The following BTC variants were observed in gnomAD, a reference collection of about 807,000 sequenced individuals.
BTC encodes the protein probetacellulin.
BTC carries 13 observed loss-of-function variants against 18.1 expected under a neutral mutation model. The observed-to-expected ratio is 0.72, with a 90% confidence interval of 0.47 to 1.14. The LOEUF is 1.14. Among genes scored for constraint, BTC ranks in the 50% most tolerant of loss-of-function variants. The pLI is 0.00. For synonymous variants in BTC, 83 were observed against 79.4 expected, an observed-to-expected ratio of 1.05 and a Z score of -0.24; for missense variants, 247 against 224.2, an observed-to-expected ratio of 1.10 and a Z score of -0.65.
chr4:74,781,942 A>G (rs1178385799), intron 1 of BTC, among the ~76,000 whole-genome samples: 1 of 152,096 alleles, frequency 6.6e-6, no homozygotes, highest in Non-Finnish European at 1.5e-5. Flanking sequence ...CATGACCAAA[A>G]AAGTCAGTCA....
At chr4:74,763,439 C>T (rs1324922375) in intron 2 of BTC, among the ~76,000 whole-genome samples, 1 of 151,926 alleles carries the variant, frequency 6.6e-6, no homozygotes, top group Non-Finnish European at 1.5e-5. Context: ...AGTATATGGT[C>T]TCTATTTTTA....
In BTC at chr4:74,783,587, CTTTTT is replaced by C. The variant is rs71220728; in HGVS notation, c.64+10670_64+10674del. 3.1e-3 allele frequency among the ~76,000 whole-genome samples: 262 copies of C among 83,558 alleles called. 2 individuals carry two copies. The highest frequency in any genetic ancestry group is 0.027 in the Middle Eastern group (3 of 110). The allele number at this position is 83,558 out of a possible 152,430, so 54.8% of individuals were successfully genotyped here. A position where few individuals can be genotyped will look rare whatever the true frequency, so the allele number is the denominator to read the frequency against. On this transcript the variant is annotated intron_variant, in intron 1 of 5. Coordinates refer to ENST00000395743, the MANE Select transcript of BTC (RefSeq NM_001729.4). ...GGGAATGTGCTGGGGCTATTCGGCT[CTTTTT>C]TTTTTTTTTTTTTTTTGGTACCATA...
chr4:74,767,776 T>A (rs1724939710), intron 2 of BTC, among the ~76,000 whole-genome samples: 1 of 151,978 alleles, frequency 6.6e-6, no homozygotes, highest in Non-Finnish European at 1.5e-5. Flanking sequence ...GTACTAACAA[T>A]ACGCAATGAG....
intron 2 of BTC, among the ~76,000 whole-genome samples, chr4:74,758,626 A>G (rs1452413839): frequency 6.6e-6 from 1 of 152,140 alleles, no homozygotes; most frequent in African/African-American, 2.4e-5. Flanking sequence ...CTTTAAATGC[A>G]CCCAGACTTT....
chr4:74,791,752 C>T (rs779391712), intron 1 of BTC, among the ~76,000 whole-genome samples: 17 of 152,150 alleles, frequency 1.1e-4, no homozygotes, highest in Non-Finnish European at 2.2e-4. Flanking sequence ...AGACATAAGC[C>T]ATTTCTAATT....
chr4:74,760,181 A>G (rs116259871), intron 2 of BTC, among the ~76,000 whole-genome samples: 3,184 of 152,310 alleles, frequency 0.021, 117 homozygotes, highest in African/African-American at 0.074. Context: ...CTTTTTTGTA[A>G]TACCTATTAC....
In BTC at chr4:74,794,402, C is replaced by T. The variant is rs2109928300; in HGVS notation, c.-77G>A. 11 of 1,404,858 alleles carry T rather than the reference C, an allele frequency of 7.8e-6. No homozygotes were observed. Among genetic ancestry groups the T allele is most frequent in the South Asian group, 2.9e-5 (2 of 68,864 alleles). 87.0% of individuals were successfully genotyped at this position (1,404,858 alleles called of 1,614,324 possible). Reference sequence around the variant, plus strand: ...TCGCCCCCTTCCCGGGCCTCGGGCGCCTGAGAGGGTGCCTGGAAACTAATC... The same window carrying T: ...TCGCCCCCTTCCCGGGCCTCGGGCGTCTGAGAGGGTGCCTGGAAACTAATC... On this transcript the variant is annotated 5_prime_UTR_variant, in exon 1 of 6. Transcript: ENST00000395743.
Position 74,746,009 on chromosome 4 carries a change from G to A in BTC, c.*668C>T, listed in dbSNP as rs1553955439. ...CATTCTGTGTGCCTGTGGGAAGACG[G>A]TCTTGACATCTCACAATCATACCAA... On this transcript the variant is annotated 3_prime_UTR_variant, in exon 6 of 6. Coordinates refer to ENST00000395743, the MANE Select transcript of BTC (RefSeq NM_001729.4). 1 of 152,184 alleles carries A rather than the reference G, an allele frequency of 6.6e-6. No homozygotes were observed. Among genetic ancestry groups the A allele is most frequent in the African/African-American group, 2.4e-5 (1 of 41,438 alleles). 9.4% of individuals were successfully genotyped at this position (152,184 alleles called of 1,614,324 possible).
intron 1 of BTC, among the ~76,000 whole-genome samples, chr4:74,784,668 A>G (rs1725432148): frequency 6.6e-6 from 1 of 152,212 alleles, no homozygotes; most frequent in Non-Finnish European, 1.5e-5. Flanking sequence ...CCTTTTCTGC[A>G]TCTATTGAGA....
At chr4:74,765,926 T>C (rs766623944) in intron 2 of BTC, among the ~76,000 whole-genome samples, 1 of 152,106 alleles carries the variant, frequency 6.6e-6, no homozygotes, top group Non-Finnish European at 1.5e-5. Context: ...TACACAAATT[T>C]AGACGGTGTA....
At chr4:74,769,503 A>G (rs1013862065) in intron 2 of BTC, among the ~76,000 whole-genome samples, 15 of 152,302 alleles carry the variant, frequency 9.8e-5, no homozygotes, top group Admixed American at 5.9e-4. Flanking sequence ...CACAAAGCCT[A>G]AAACTCTTAC....
chr4:74,767,903 T>C (rs183601238), intron 2 of BTC, among the ~76,000 whole-genome samples: 11 of 152,252 alleles, frequency 7.2e-5, no homozygotes, highest in Non-Finnish European at 1.6e-4. Context: ...AAGACTTATA[T>C]TTAAGACCCG....
intron 1 of BTC, among the ~76,000 whole-genome samples, chr4:74,772,330 C>T (rs1330362234): frequency 6.6e-6 from 1 of 152,126 alleles, no homozygotes; most frequent in Non-Finnish European, 1.5e-5. Flanking sequence ...CACGTTTACT[C>T]CCAGCACCTG....
chr4:74,751,440 T>C (rs1553956189), intron 3 of BTC, among the ~76,000 whole-genome samples: 1 of 152,116 alleles, frequency 6.6e-6, no homozygotes, highest in Admixed American at 6.5e-5. Flanking sequence ...TAAAACCACA[T>C]TTGCAGATCT....
At chr4:74,776,172 AT>A (rs35241628) in intron 1 of BTC, among the ~76,000 whole-genome samples, 26,503 of 148,294 alleles carry the variant, frequency 0.18, 3,757 homozygotes, top group African/African-American at 0.4. Flanking sequence ...GTTTTGTGGC[AT>A]TTTTTTTTTA....
intron 3 of BTC, 131 bp downstream of exon 3, chr4:74,755,728 C>T: frequency 4.9e-6 from 4 of 810,666 alleles, no homozygotes; most frequent in Non-Finnish European, 7.9e-6. Context: ...AAACAAGTGG[C>T]TGGGGGCAGG....
At chr4:74,753,121 GT>G (rs1398154056) in intron 3 of BTC, among the ~76,000 whole-genome samples, 2 of 152,240 alleles carry the variant, frequency 1.3e-5, no homozygotes, top group South Asian at 4.2e-4. Context: ...CAGATTCTAA[GT>G]TTTTTTATTA....
chr4:74,773,172 TA>T (rs1336831981), intron 1 of BTC, among the ~76,000 whole-genome samples: 1 of 152,218 alleles, frequency 6.6e-6, no homozygotes, highest in East Asian at 1.9e-4. Context: ...GCACAGTTTT[TA>T]ATAATTGAAT....
intron 1 of BTC, among the ~76,000 whole-genome samples, chr4:74,777,162 C>A (rs115942437): frequency 6.6e-6 from 1 of 152,064 alleles, no homozygotes. Flanking sequence ...CTTTTATGCA[C>A]GAGATTTATA....
Sources: allele counts gnomAD v4.1 joint callset (sites outside exome capture counted in the v4.1 genomes callset), GRCh38; gene constraint gnomAD v4.1.1; transcripts MANE v1.5; gene names NCBI Gene and HGNC (gene_info 2026-07-23, HGNC 2026-07-21).